Variants in MYO3B observed in about 807,000 individuals in gnomAD.
The protein encoded by MYO3B is myosin-IIIb.
Under a neutral mutation model 174.6 loss-of-function variants are expected in MYO3B, and 156 were observed. The ratio of observed to expected loss-of-function variants is 0.89; its 90% CI spans 0.78 to 1.02. MYO3B has a LOEUF of 1.02. MYO3B is among the 50% of genes least tolerant of loss of function. The pLI, the probability that MYO3B is intolerant of heterozygous loss-of-function variation, is 0.00. For synonymous variants in MYO3B, 563 were observed against 569.1 expected (o/e 0.99, Z 0.15); for missense variants, 1,632 against 1,639.4 (o/e 1.00, Z 0.08).
chr2:170,593,660 A>C lies in MYO3B; in HGVS notation c.3733+49672A>C, dbSNP rs759115638. On this transcript the variant is annotated intron_variant, in intron 32 of 34. Transcript: ENST00000408978. ...GTCCTAAGATGTTGTTATTATTCAC[A>C]ATACATACTGGGATCTACTTATAGT... is the stretch of plus-strand genomic sequence containing the variant. 3.3e-5 allele frequency among the ~76,000 whole-genome samples: 5 copies of C among 152,364 alleles called. No individual in the cohort carries two copies. In the East Asian group the frequency reaches 7.7e-4, roughly 24 times the overall value.
chr2:170,272,872 A>T (rs1336740622), intron 7 of MYO3B, among the ~76,000 whole-genome samples: 1 of 152,182 alleles, frequency 6.6e-6, no homozygotes, highest in African/African-American at 2.4e-5. Context: ...TGTACATCTC[A>T]TAATACTATT....
chr2:170,435,285 G>A (rs2094744483), intron 22 of MYO3B, among the ~76,000 whole-genome samples: 1 of 152,192 alleles, frequency 6.6e-6, no homozygotes, highest in Non-Finnish European at 1.5e-5. Flanking sequence ...GACTGGGTAA[G>A]GATCATAGTG....
intron 30 of MYO3B, among the ~76,000 whole-genome samples, chr2:170,528,448 C>T (rs1389613088): frequency 1.3e-5 from 2 of 152,172 alleles, no homozygotes; most frequent in Non-Finnish European, 2.9e-5. Context: ...GCTCTATCGC[C>T]AGACCGGAGT....
At chr2:170,621,322 A>G (rs1695897170) in intron 32 of MYO3B, among the ~76,000 whole-genome samples, 1 of 152,196 alleles carries the variant, frequency 6.6e-6, no homozygotes, top group Non-Finnish European at 1.5e-5. Context: ...GTTAGTTCAT[A>G]TGGAGTATCT....
At chr2:170,228,128 G>A (rs1039546571) in intron 6 of MYO3B, among the ~76,000 whole-genome samples, 3 of 152,132 alleles carry the variant, frequency 2.0e-5, no homozygotes, top group Admixed American at 6.5e-5. Context: ...TAGCGTAGAT[G>A]TTACTGTGAC....
chr2:170,614,875 C>G (rs1695349637), intron 32 of MYO3B, among the ~76,000 whole-genome samples: 1 of 152,212 alleles, frequency 6.6e-6, no homozygotes, highest in African/African-American at 2.4e-5. Context: ...CCACTCTTCA[C>G]AGCCTCATTC....
intron 32 of MYO3B, among the ~76,000 whole-genome samples, chr2:170,558,251 A>G (rs1454448192): frequency 6.6e-6 from 1 of 151,860 alleles, no homozygotes; most frequent in Non-Finnish European, 1.5e-5. Context: ...CGGTGAGCTG[A>G]GATCGTACCA....
At chr2:170,372,102 G>C (rs898397460) in intron 9 of MYO3B, among the ~76,000 whole-genome samples, 3 of 111,800 alleles carry the variant, frequency 2.7e-5, no homozygotes, top group African/African-American at 3.5e-5. Flanking sequence ...CTGGGCAACA[G>C]AGTGAGACCC....
At chr2:170,608,602 GA>G (rs555043787) in intron 32 of MYO3B, among the ~76,000 whole-genome samples, 6,664 of 145,154 alleles carry the variant, frequency 0.046, 446 homozygotes, top group African/African-American at 0.16. Flanking sequence ...CACCCAATAG[GA>G]AAAAAAAAAA....
chr2:170,516,670 C>G (rs1404471238), intron 29 of MYO3B, among the ~76,000 whole-genome samples: 1 of 151,106 alleles, frequency 6.6e-6, no homozygotes, highest in Non-Finnish European at 1.5e-5. Context: ...ATGTGAATGG[C>G]TTATAGAGCT....
At chr2:170,237,932 T>C (rs1341408521) in intron 7 of MYO3B, among the ~76,000 whole-genome samples, 1 of 152,246 alleles carries the variant, frequency 6.6e-6, no homozygotes, top group African/African-American at 2.4e-5. Flanking sequence ...TGTGCTCATG[T>C]GTGTTCAACA....
chr2:170,486,314 T>C (rs1559047629), intron 25 of MYO3B, among the ~76,000 whole-genome samples: 1 of 149,004 alleles, frequency 6.7e-6, no homozygotes, highest in Non-Finnish European at 1.5e-5. Context: ...TTTTTTTTTT[T>C]TTTTTTTGAG....
chr2:170,614,920 A>G (rs1695352478), intron 32 of MYO3B, among the ~76,000 whole-genome samples: 2 of 149,846 alleles, frequency 1.3e-5, no homozygotes, highest in Admixed American at 6.7e-5. Context: ...GCCCTTCTTC[A>G]CCTCCCCCTC....
chr2:170,295,377 C>T (rs13005351), intron 7 of MYO3B, among the ~76,000 whole-genome samples: 2 of 124,848 alleles, frequency 1.6e-5, no homozygotes, highest in African/African-American at 2.9e-5. Flanking sequence ...TTTCTCTTTT[C>T]CCCCATCTAT....
At chr2:170,239,494 A>G (rs934366878) in intron 7 of MYO3B, among the ~76,000 whole-genome samples, 6 of 152,226 alleles carry the variant, frequency 3.9e-5, no homozygotes, top group Non-Finnish European at 7.3e-5. Flanking sequence ...ATTTGGGGCC[A>G]GGTATGAGCT....
chr2:170,614,455 C>T (rs1220850235), intron 32 of MYO3B, among the ~76,000 whole-genome samples: 1 of 152,042 alleles, frequency 6.6e-6, no homozygotes, highest in Non-Finnish European at 1.5e-5. Flanking sequence ...CTGGGATTTC[C>T]AAATGTTAAA....
At chr2:170,211,703 A>G (rs543111801) in intron 3 of MYO3B, among the ~76,000 whole-genome samples, 1 of 152,282 alleles carries the variant, frequency 6.6e-6, no homozygotes, top group African/African-American at 2.4e-5. Context: ...GAACCTAGGC[A>G]TCATTGTGAA....
intron 25 of MYO3B, among the ~76,000 whole-genome samples, chr2:170,467,529 C>A (rs79416074): frequency 1.3e-5 from 2 of 148,758 alleles, no homozygotes; most frequent in African/African-American, 2.5e-5. Context: ...AAAACAGTAA[C>A]AAAAAAAAAA....
At chr2:170,519,937 C>A in intron 30 of MYO3B, 1 of 144,032 alleles carries the variant, frequency 6.9e-6, no homozygotes, top group Non-Finnish European at 1.4e-5. Flanking sequence ...TGTGCCACTG[C>A]ACTTCAGCCT....
Sources: gnomAD v4.1 joint callset for allele counts (sites outside exome capture counted in the v4.1 genomes callset) on GRCh38, gnomAD v4.1.1 for gene constraint, MANE v1.5 for transcripts, NCBI Gene and HGNC (gene_info 2026-07-23, HGNC 2026-07-21) for gene names.